Variants in CMSS1 observed in about 807,000 individuals in gnomAD.
CMSS1 encodes cms1 ribosomal small subunit homolog.
Under a neutral mutation model 43.5 loss-of-function variants are expected in CMSS1, and 33 were observed. The ratio of observed to expected loss-of-function variants is 0.76; its 90% confidence interval spans 0.57 to 1.01. CMSS1 has a LOEUF of 1.01. CMSS1 is among the 50% of genes least tolerant of loss of function. The probability of loss-of-function intolerance (pLI) is 0.00; values close to 1 mark genes in which losing one functional copy is unlikely to be tolerated. For missense variants in CMSS1, 313 were observed against 326.4 expected, an observed-to-expected ratio of 0.96 and a Z score of 0.32; for synonymous variants, 115 against 117.2, an observed-to-expected ratio of 0.98 and a Z score of 0.12.
At chr3:99,958,662 A>G (rs1488945745) in intron 1 of CMSS1, among the ~76,000 whole-genome samples, 1 of 152,164 alleles carries the variant, frequency 6.6e-6, no homozygotes, top group Non-Finnish European at 1.5e-5. Context: ...GCAGGAGAAG[A>G]AGAGAGCTGG....
chr3:100,163,339 A>G (rs1304885303), intron 4 of CMSS1, among the ~76,000 whole-genome samples: 1 of 152,196 alleles, frequency 6.6e-6, no homozygotes, highest in Non-Finnish European at 1.5e-5. Flanking sequence ...GGTTTTTAGA[A>G]TAGTATTTTA....
At chr3:100,097,314 T>C (rs1425554236) in intron 1 of CMSS1, among the ~76,000 whole-genome samples, 1 of 152,224 alleles carries the variant, frequency 6.6e-6, no homozygotes, top group Non-Finnish European at 1.5e-5. Flanking sequence ...GGAACCACTG[T>C]TGTATTAGAT....
intron 1 of CMSS1, chr3:99,930,900 G>A (rs756479525): frequency 6.2e-7 from 1 of 1,613,380 alleles, no homozygotes; most frequent in Non-Finnish European, 8.5e-7. Flanking sequence ...GACTCACTGG[G>A]GGAGTCTTTG....
chr3:99,937,039 G>A (rs1707700166), intron 1 of CMSS1, among the ~76,000 whole-genome samples: 1 of 152,170 alleles, frequency 6.6e-6, no homozygotes, highest in Admixed American at 6.5e-5. Context: ...CAGAGTTCAA[G>A]CAATTTTCCT....
intron 1 of CMSS1, among the ~76,000 whole-genome samples, chr3:100,126,784 G>C (rs1050340769): frequency 6.6e-6 from 1 of 152,166 alleles, no homozygotes; most frequent in Admixed American, 6.5e-5. Flanking sequence ...GGATCACGAG[G>C]TCAGGAGATC....
intron 1 of CMSS1, among the ~76,000 whole-genome samples, chr3:99,871,459 A>C (rs1350605029): frequency 1.3e-5 from 2 of 152,182 alleles, no homozygotes; most frequent in African/African-American, 4.8e-5. Context: ...ACTGACCCTG[A>C]AGGAGTTTAT....
chr3:99,901,997 A>G (rs1318603110), intron 1 of CMSS1, among the ~76,000 whole-genome samples: 1 of 152,172 alleles, frequency 6.6e-6, no homozygotes, highest in Non-Finnish European at 1.5e-5. Context: ...TTTTTCATTA[A>G]TTTCCTATAA....
chr3:99,841,606 C>A lies in CMSS1; in HGVS notation c.64+23563C>A, dbSNP rs145867013. Among the ~76,000 whole-genome samples, 695 of 152,184 alleles carry A rather than the reference C, an allele frequency of 4.6e-3. 2 individuals are homozygous for A. The highest frequency in any genetic ancestry group is 6.8e-3 in the South Asian group (33 of 4,826). On this transcript the variant is annotated intron_variant, in intron 1 of 9. Coordinates refer to ENST00000421999, the MANE Select transcript of CMSS1 (RefSeq NM_032359.4). ...GCTTATATTTGTATATTGTAGTTGT[C>A]CAAATATGGCTAGCCTTTAAAGAGC...
intron 1 of CMSS1, chr3:100,040,207 T>C (rs2065180438): frequency 6.6e-6 from 1 of 152,164 alleles, no homozygotes; most frequent in African/African-American, 2.4e-5. Context: ...GGTAACCATC[T>C]CTTACCACTT....
intron 2 of CMSS1, among the ~76,000 whole-genome samples, chr3:100,154,237 A>AT (rs1392849955): frequency 2.0e-5 from 3 of 151,680 alleles, no homozygotes; most frequent in Admixed American, 6.6e-5. Context: ...AAGCTTTTTT[A>AT]TTTTTTTTAC....
At chr3:99,890,027 T>C (rs1322552691) in intron 1 of CMSS1, among the ~76,000 whole-genome samples, 3 of 152,122 alleles carry the variant, frequency 2.0e-5, no homozygotes, top group African/African-American at 4.8e-5. Flanking sequence ...GGGACCACTT[T>C]CCTTCAATCT....
intron 1 of CMSS1, among the ~76,000 whole-genome samples, chr3:99,842,959 G>A (rs1943200886): frequency 6.6e-6 from 1 of 152,170 alleles, no homozygotes; most frequent in Non-Finnish European, 1.5e-5. Flanking sequence ...CTGATATATT[G>A]ACTGCCCAAA....
At chr3:100,130,010 C>T (rs2066693531) in intron 1 of CMSS1, among the ~76,000 whole-genome samples, 1 of 152,138 alleles carries the variant, frequency 6.6e-6, no homozygotes, top group South Asian at 2.1e-4. Flanking sequence ...CTAAATTTCA[C>T]CCACCAGGAT....
intron 4 of CMSS1, among the ~76,000 whole-genome samples, chr3:100,164,034 G>A (rs1359039156): frequency 1.3e-5 from 2 of 152,166 alleles, no homozygotes; most frequent in Admixed American, 1.3e-4. Flanking sequence ...TGCCCTGTCT[G>A]TTTTCCAAGG....
chr3:100,117,878 T>TATATATATATATATATAC (rs1357671856), intron 1 of CMSS1, among the ~76,000 whole-genome samples: 1 of 129,084 alleles, frequency 7.7e-6, no homozygotes, highest in Non-Finnish European at 1.6e-5. Flanking sequence ...TATATATATA[T>TATATATATATATATATAC]ACACATACAA....
At chr3:99,850,353 G>A (rs776747155) in intron 1 of CMSS1, 3 of 1,612,972 alleles carry the variant, frequency 1.9e-6, no homozygotes, top group Non-Finnish European at 1.7e-6. Context: ...TCAGAGAGTA[G>A]CATTCTTGTT....
At chr3:99,886,949 A>G (rs1347411538) in intron 1 of CMSS1, among the ~76,000 whole-genome samples, 1 of 145,216 alleles carries the variant, frequency 6.9e-6, no homozygotes, top group Admixed American at 7.1e-5. Flanking sequence ...CAGCCTGGGC[A>G]GCAGAGGGAG....
At chr3:99,946,790 G>T (rs1708021055) in intron 1 of CMSS1, among the ~76,000 whole-genome samples, 1 of 152,080 alleles carries the variant, frequency 6.6e-6, no homozygotes. Context: ...CCAGTATGTT[G>T]GCTGCAGTAT....
In CMSS1 at chr3:99,881,407, A is replaced by C. The variant is rs562461403; in HGVS notation, c.64+63364A>C. Among the ~76,000 whole-genome samples the C allele has an allele frequency of 2.0e-5, 3 of 152,306 alleles. No individual in the cohort carries two copies. The East Asian group carries it at 5.8e-4, about 29-fold the overall frequency. On this transcript the variant is annotated intron_variant, in intron 1 of 9. Transcript: ENST00000421999. ...TGAAAAAAAACCCCCAAATCACAGA[A>C]ATTAGAGACGGAAAAGACCTATTAG... is the stretch of plus-strand genomic sequence containing the variant.
Sources: allele counts gnomAD v4.1 joint callset (sites outside exome capture counted in the v4.1 genomes callset), GRCh38; gene constraint gnomAD v4.1.1; transcripts MANE v1.5; gene names NCBI Gene and HGNC (gene_info 2026-07-23, HGNC 2026-07-21).